The following ZEB1 variants were observed in gnomAD, a reference collection of about 807,000 sequenced individuals.
ZEB1 encodes the protein zinc finger E-box-binding homeobox 1.
ZEB1 carries 21 observed loss-of-function variants against 84.9 expected under a neutral mutation model. That is an observed-to-expected ratio of 0.25 (90% CI 0.18 to 0.36). The LOEUF is 0.36. ZEB1 is among the 10% of genes least tolerant of loss of function. The probability of loss-of-function intolerance (pLI) is 1.00; values close to 1 mark genes in which losing one functional copy is unlikely to be tolerated. For synonymous variants in ZEB1, 420 were observed against 471.1 expected (o/e 0.89, Z 1.41); for missense variants, 1,104 against 1,330.2 (o/e 0.83, Z 2.65).
chr10:31,429,972 G>A (rs771916822), intron 1 of ZEB1, among the ~76,000 whole-genome samples: 3 of 151,744 alleles, frequency 2.0e-5, no homozygotes, highest in South Asian at 2.1e-4. Context: ...AACTCCTGAC[G>A]TCAGGTGATC....
At chr10:31,472,712 G>A (rs1383590850) in intron 2 of ZEB1, among the ~76,000 whole-genome samples, 1 of 135,832 alleles carries the variant, frequency 7.4e-6, no homozygotes, top group South Asian at 2.4e-4. Flanking sequence ...ATTTTATGAG[G>A]CCAGCATCAT....
chr10:31,454,747 C>T lies in ZEB1; in HGVS notation c.59-6290C>T, dbSNP rs373992187. On this transcript the variant is annotated intron_variant, in intron 1 of 8. Transcript: ENST00000424869. ...TCAAGGAGAACTACAAACCACTTCT[C>T]AAGGAAATAAGAGAGGACACAACAA... Among the ~76,000 whole-genome samples the T allele has an allele frequency of 2.6e-5, 4 of 152,176 alleles. No homozygotes were observed. The South Asian group carries it at 8.3e-4, about 32-fold the overall frequency.
chr10:31,406,205 A>G (rs1424870481), intron 1 of ZEB1, among the ~76,000 whole-genome samples: 1 of 152,130 alleles, frequency 6.6e-6, no homozygotes, highest in Non-Finnish European at 1.5e-5. Context: ...TTGGGTATAT[A>G]CTCAATAATG....
rs113677631 is a variant in ZEB1 at position 31,435,069 on chromosome 10, G to C, written c.59-25968G>C. On this transcript the variant is annotated intron_variant, in intron 1 of 8. Transcript: ENST00000424869. ...TTATTAAGTAGCAAAGGAATAGGGA[G>C]ATTACTTCGGGTTATGTGGCTAGGC... Among the ~76,000 whole-genome samples the C allele has an allele frequency of 9.3e-4, 142 of 152,350 alleles. 3 individuals carry two copies. The highest frequency in any genetic ancestry group is 3.2e-3 in the African/African-American group (135 of 41,596).
Position 31,520,944 on chromosome 10 carries a change from T to A in ZEB1, c.1612T>A (p.Cys538Ser). 1 of 1,614,102 alleles carries A rather than the reference T, an allele frequency of 6.2e-7. No homozygotes were observed. The highest frequency in any genetic ancestry group is 2.2e-5 in the East Asian group (1 of 44,862). Reference protein sequence around the residue: ...NDSTCLLCDDCPGDINALPEL... With the variant: ...NDSTCLLCDDSPGDINALPEL... ...TAGCACTTGTCTTCTGTGTGATGATTGTCCAGGAGATATTAATGCACTTCC... is the reference window on the plus strand; with the variant it reads ...TAGCACTTGTCTTCTGTGTGATGATAGTCCAGGAGATATTAATGCACTTCC... The change falls in exon 7 of 9, where the codon TGT (cysteine) becomes AGT (serine). Residue 538 changes from cysteine (C) to serine (S), a missense_variant. Coordinates refer to ENST00000424869, the MANE Select transcript of ZEB1 (RefSeq NM_001174096.2). This position sits in a 1 kb window ranked among gnomAD's most constrained non-coding sequence, Gnocchi z 5.1.
chr10:31,513,146 A>G (rs1234848852), intron 5 of ZEB1, among the ~76,000 whole-genome samples: 1 of 152,198 alleles, frequency 6.6e-6, no homozygotes, highest in Non-Finnish European at 1.5e-5. Flanking sequence ...CAGGGAGATC[A>G]TTTAGAGGCT....
chr10:31,319,583 G>A lies in ZEB1; in HGVS notation c.58+291G>A. The A allele has an allele frequency of 1.0e-5, 4 of 397,722 alleles. No individual in the cohort carries two copies. In the South Asian group the frequency reaches 1.9e-4, roughly 19 times the overall value. The allele number at this position is 397,722 out of a possible 1,614,324, so 24.6% of individuals were successfully genotyped here. On this transcript the variant is annotated intron_variant, in intron 1 of 8. Transcript: ENST00000424869. ...CCCTGGACCGTTAGCCGGCGCCGAC[G>A]CCGCCGCATCCCCGGCGCAGGGCGG...
chr10:31,459,421 G>A (rs1460328283), intron 1 of ZEB1, among the ~76,000 whole-genome samples: 1 of 152,020 alleles, frequency 6.6e-6, no homozygotes, highest in African/African-American at 2.4e-5. Context: ...TGCCTACTTA[G>A]TGCATTGAAA....
chr10:31,373,776 G>A (rs972320948), intron 1 of ZEB1, among the ~76,000 whole-genome samples: 2 of 151,914 alleles, frequency 1.3e-5, no homozygotes, highest in East Asian at 3.9e-4. Flanking sequence ...ACAAAGTGAA[G>A]TAGCTGTTCA....
chr10:31,515,534 A>G (rs1430683602), intron 6 of ZEB1, among the ~76,000 whole-genome samples: 1 of 152,108 alleles, frequency 6.6e-6, no homozygotes, highest in African/African-American at 2.4e-5. Flanking sequence ...TGTGAAAATT[A>G]TGTATTGACA....
intron 1 of ZEB1, among the ~76,000 whole-genome samples, chr10:31,415,994 T>A (rs161255): frequency 0.28 from 43,036 of 152,000 alleles, 14,187 homozygotes; most frequent in African/African-American, 0.8. Flanking sequence ...ATAATCTTAG[T>A]TGTAAATACT....
At chr10:31,474,537 C>T (rs1392773976) in intron 2 of ZEB1, among the ~76,000 whole-genome samples, 4 of 152,066 alleles carry the variant, frequency 2.6e-5, no homozygotes, top group Non-Finnish European at 4.4e-5. Context: ...GTTAGAATGG[C>T]AATCATTAAA....
intron 1 of ZEB1, among the ~76,000 whole-genome samples, chr10:31,435,570 G>C (rs2058192028): frequency 6.6e-6 from 1 of 152,174 alleles, no homozygotes. Context: ...TATGACACTG[G>C]AGTGGAAAAG....
intron 1 of ZEB1, among the ~76,000 whole-genome samples, chr10:31,435,578 A>G (rs1453941461): frequency 6.6e-6 from 1 of 152,206 alleles, no homozygotes; most frequent in African/African-American, 2.4e-5. Context: ...TGGAGTGGAA[A>G]AGAAAGACCC....
intron 1 of ZEB1, among the ~76,000 whole-genome samples, chr10:31,401,913 G>GA (rs1215002709): frequency 6.6e-6 from 1 of 151,528 alleles, no homozygotes; most frequent in East Asian, 1.9e-4. Context: ...ACAGAGACAA[G>GA]AAAAAATGGA....
intron 1 of ZEB1, among the ~76,000 whole-genome samples, chr10:31,454,568 A>C (rs1181903741): frequency 1.1e-4 from 16 of 152,214 alleles, no homozygotes; most frequent in Non-Finnish European, 2.4e-4. Flanking sequence ...AACTTCAGCA[A>C]AGTCTCAGGA....
intron 1 of ZEB1, among the ~76,000 whole-genome samples, chr10:31,331,655 G>A (rs2036819693): frequency 6.6e-6 from 1 of 152,058 alleles, no homozygotes; most frequent in Non-Finnish European, 1.5e-5. Context: ...TAGAGGGGAT[G>A]GTGCTTAAAC....
intron 2 of ZEB1, among the ~76,000 whole-genome samples, chr10:31,473,322 C>T (rs1173891155): frequency 3.4e-5 from 5 of 149,120 alleles, no homozygotes; most frequent in Admixed American, 2.7e-4. Context: ...ATTGTCTCAG[C>T]CCAAAATCTC....
intron 1 of ZEB1, among the ~76,000 whole-genome samples, chr10:31,331,081 CTTTTTTTTTTTT>C (rs548615284): frequency 3.0e-4 from 23 of 77,872 alleles, no homozygotes; most frequent in Admixed American, 8.0e-4. Flanking sequence ...TTCTTTCTTT[CTTTTTTTTTTTT>C]TTTTTTTTTT....
Sources: gnomAD v4.1 joint callset for allele counts (sites outside exome capture counted in the v4.1 genomes callset) on GRCh38, gnomAD v4.1.1 for gene constraint, Gnocchi (gnomAD v3.1) non-coding constraint, MANE v1.5 for transcripts, NCBI Gene and HGNC (gene_info 2026-07-23, HGNC 2026-07-21) for gene names.